Variants in FAM13A observed in about 807,000 individuals in gnomAD.
FAM13A encodes protein FAM13A.
FAM13A carries 76 observed loss-of-function variants against 129.6 expected under a neutral mutation model. The ratio of observed to expected loss-of-function variants is 0.59; its 90% CI spans 0.49 to 0.71. The LOEUF (loss-of-function observed/expected upper bound fraction) is 0.71, where lower values mean the gene tolerates loss of function less well. FAM13A is among the 30% of genes least tolerant of loss of function. The pLI is 0.00. For synonymous variants in FAM13A, 443 were observed against 449.9 expected (o/e 0.98, Z 0.20); for missense variants, 1,108 against 1,249.3 (o/e 0.89, Z 1.70).
intron 7 of FAM13A, among the ~76,000 whole-genome samples, chr4:88,838,513 G>A (rs1435256464): frequency 2.6e-5 from 4 of 151,952 alleles, no homozygotes; most frequent in South Asian, 4.1e-4. Flanking sequence ...CGAGGCGGGC[G>A]GATCACGAGG....
rs370687054 is a variant in FAM13A at position 88,950,747 on chromosome 4, C to T, written c.606-12506G>A. 1.2e-3 allele frequency among the ~76,000 whole-genome samples: 182 copies of T among 152,244 alleles called. 2 individuals are homozygous for T. The highest frequency in any genetic ancestry group is 4.1e-3 in the African/African-American group (172 of 41,542). On this transcript the variant is annotated intron_variant, in intron 4 of 23. Coordinates refer to ENST00000264344, the MANE Select transcript of FAM13A (RefSeq NM_014883.4). ...AAGAAGAGTGGTCTAACTTAAAATA[C>T]GGGTGAATTTTTCTATAATTCCCAT... is the stretch of plus-strand genomic sequence containing the variant.
intron 4 of FAM13A, among the ~76,000 whole-genome samples, chr4:88,968,464 C>A (rs969366017): frequency 6.6e-6 from 1 of 152,014 alleles, no homozygotes; most frequent in Non-Finnish European, 1.5e-5. Context: ...TCGCTATGAC[C>A]GAGAATCAGG....
At chr4:88,850,496 G>T (rs1181233573) in intron 7 of FAM13A, among the ~76,000 whole-genome samples, 1 of 152,122 alleles carries the variant, frequency 6.6e-6, no homozygotes, top group Non-Finnish European at 1.5e-5. Context: ...GGTGGAGGTT[G>T]CAGTGAGCCG....
rs558535900 is a variant in FAM13A at position 88,940,059 on chromosome 4, T to A, written c.606-1818A>T. On this transcript the variant is annotated intron_variant, in intron 4 of 23. Coordinates refer to ENST00000264344, the MANE Select transcript of FAM13A (RefSeq NM_014883.4). The stretch of plus-strand genomic sequence containing the variant: ...CCTAGAAATTGTGAGATAGCAAATG[T>A]TTGTTGTTTTAAGCCACTAAATGTG... Among the ~76,000 whole-genome samples the A allele has an allele frequency of 1.6e-4, 24 of 152,294 alleles. No individual in the cohort carries two copies. The South Asian group carries it at 4.6e-3, about 29-fold the overall frequency.
intron 6 of FAM13A, among the ~76,000 whole-genome samples, chr4:88,888,811 C>T (rs1744871594): frequency 6.6e-6 from 1 of 151,656 alleles, no homozygotes; most frequent in African/African-American, 2.4e-5. Context: ...TGGCGGGTAC[C>T]TGCAGTCCCA....
At chr4:89,043,283 C>T (rs1003512011) in intron 1 of FAM13A, among the ~76,000 whole-genome samples, 4 of 152,124 alleles carry the variant, frequency 2.6e-5, no homozygotes, top group Admixed American at 6.6e-5. Flanking sequence ...GAAAAATACA[C>T]TAACTAAGAG....
intron 1 of FAM13A, among the ~76,000 whole-genome samples, chr4:89,035,669 G>A (rs1388142201): frequency 2.0e-5 from 3 of 152,112 alleles, no homozygotes; most frequent in Admixed American, 6.5e-5. Flanking sequence ...CATGGGGGAG[G>A]ATTTCTCCCT....
chr4:88,746,271 G>A (rs548031382), intron 19 of FAM13A, among the ~76,000 whole-genome samples: 3 of 152,314 alleles, frequency 2.0e-5, no homozygotes, highest in East Asian at 3.9e-4. Flanking sequence ...GGTGTCTGAT[G>A]AAAAGTTCTT....
intron 6 of FAM13A, among the ~76,000 whole-genome samples, chr4:88,862,920 A>C (rs1166227160): frequency 6.6e-6 from 1 of 151,640 alleles, no homozygotes; most frequent in Non-Finnish European, 1.5e-5. Context: ...GGACATCATG[A>C]GGAAAAAAAA....
chr4:88,849,272 C>CCAACA (rs1396241777), intron 7 of FAM13A, among the ~76,000 whole-genome samples: 2 of 152,140 alleles, frequency 1.3e-5, no homozygotes, highest in South Asian at 2.1e-4. Flanking sequence ...GTTGAAGGAA[C>CCAACA]CAACACTGCA....
chr4:89,014,206 C>T (rs189259988), intron 3 of FAM13A, among the ~76,000 whole-genome samples: 37 of 152,264 alleles, frequency 2.4e-4, no homozygotes, highest in African/African-American at 4.8e-4. Context: ...GCAGTAGGAA[C>T]GCACTCAGTA....
intron 7 of FAM13A, among the ~76,000 whole-genome samples, chr4:88,830,586 T>A (rs184947673): frequency 7.5e-4 from 114 of 152,308 alleles, no homozygotes; most frequent in Non-Finnish European, 1.5e-4. Flanking sequence ...AGAAATTATA[T>A]CATTGTTTTT....
At chr4:88,878,764 A>G (rs1021525247) in intron 6 of FAM13A, among the ~76,000 whole-genome samples, 4 of 152,226 alleles carry the variant, frequency 2.6e-5, no homozygotes, top group Non-Finnish European at 5.9e-5. Flanking sequence ...TCTGGGTACA[A>G]GAGTCCCCAG....
At chr4:88,975,692 T>G (rs1760805476) in intron 4 of FAM13A, among the ~76,000 whole-genome samples, 1 of 152,130 alleles carries the variant, frequency 6.6e-6, no homozygotes, top group Non-Finnish European at 1.5e-5. Context: ...CTGCAAAGAG[T>G]ATTCATTTTA....
At chr4:89,029,875 G>A in intron 1 of FAM13A, 1 of 547,804 alleles carries the variant, frequency 1.8e-6, no homozygotes, top group Non-Finnish European at 3.2e-6. Context: ...AATGAAGTGT[G>A]CAGCTAAGAG....
chr4:88,960,650 G>A (rs185339759), intron 4 of FAM13A, among the ~76,000 whole-genome samples: 1 of 152,294 alleles, frequency 6.6e-6, no homozygotes, highest in East Asian at 1.9e-4. Flanking sequence ...GAAGCTAGTA[G>A]TTAGTAAGAA....
At chr4:89,003,179 G>C (rs2149060135) in intron 3 of FAM13A, among the ~76,000 whole-genome samples, 1 of 151,806 alleles carries the variant, frequency 6.6e-6, no homozygotes, top group East Asian at 1.9e-4. Context: ...AATACAAGTG[G>C]GAGCAGAAAA....
chr4:89,056,858 TCTC>T, intron 1 of FAM13A, 77 bp downstream of exon 1: 1 of 1,337,622 alleles, frequency 7.5e-7, no homozygotes, highest in East Asian at 2.3e-5. Flanking sequence ...TACACAAACA[TCTC>T]ATCAAAACAA....
At chr4:88,787,694 T>C (rs1724241470) in intron 10 of FAM13A, 59 bp downstream of exon 10, 20 of 1,514,578 alleles carry the variant, frequency 1.3e-5, no homozygotes, top group Admixed American at 1.8e-5. Flanking sequence ...CTAATTTGGG[T>C]GTATATTTCT....
Sources: gnomAD v4.1 joint callset for allele counts (sites outside exome capture counted in the v4.1 genomes callset) on GRCh38, gnomAD v4.1.1 for gene constraint, MANE v1.5 for transcripts, NCBI Gene and HGNC (gene_info 2026-07-23, HGNC 2026-07-21) for gene names.